Variants in CORIN observed in about 807,000 individuals in gnomAD.
CORIN encodes corin, serine peptidase.
Under a neutral mutation model 125.3 loss-of-function variants are expected in CORIN, and 117 were observed. The observed-to-expected ratio is 0.93, with a 90% CI of 0.80 to 1.09. The LOEUF (loss-of-function observed/expected upper bound fraction) is 1.09, where lower values mean the gene tolerates loss of function less well. Among genes scored for constraint, CORIN ranks in the 50% least tolerant of loss-of-function variants. The probability of loss-of-function intolerance (pLI) is 0.00; values close to 1 mark genes in which losing one functional copy is unlikely to be tolerated. For synonymous variants in CORIN, 450 were observed against 466.4 expected, an observed-to-expected ratio of 0.96 and a Z score of 0.45; for missense variants, 1,253 against 1,306.7, an observed-to-expected ratio of 0.96 and a Z score of 0.63.
At chr4:47,702,107 CTT>C (rs1225507653) in intron 5 of CORIN, among the ~76,000 whole-genome samples, 6 of 152,028 alleles carry the variant, frequency 3.9e-5, no homozygotes, top group Admixed American at 2.6e-4. Context: ...GAAATAAACA[CTT>C]AGTTTCTTTA....
At chr4:47,675,342 T>G (rs1724966139) in intron 9 of CORIN, among the ~76,000 whole-genome samples, 1 of 152,212 alleles carries the variant, frequency 6.6e-6, no homozygotes, top group Admixed American at 6.5e-5. Flanking sequence ...TAATCATTCT[T>G]ACCTATAATT....
At chr4:47,699,027 T>A (rs1349946669) in intron 5 of CORIN, among the ~76,000 whole-genome samples, 1 of 152,194 alleles carries the variant, frequency 6.6e-6, no homozygotes, top group Non-Finnish European at 1.5e-5. Context: ...TGTTTGCACA[T>A]GATGAAATCA....
At chr4:47,834,930 C>A (rs984000551) in intron 1 of CORIN, among the ~76,000 whole-genome samples, 61 of 152,262 alleles carry the variant, frequency 4.0e-4, no homozygotes, top group African/African-American at 1.4e-3. Flanking sequence ...GAAACTGAGG[C>A]CCAGCAAGAT....
chr4:47,769,422 G>T (rs1311301447), intron 3 of CORIN, among the ~76,000 whole-genome samples: 7 of 151,910 alleles, frequency 4.6e-5, no homozygotes, highest in Non-Finnish European at 8.8e-5. Flanking sequence ...TGGTTTGGAA[G>T]GATTAATCTC....
intron 19 of CORIN, among the ~76,000 whole-genome samples, chr4:47,612,155 A>G (rs1007737030): frequency 2.0e-5 from 3 of 152,120 alleles, no homozygotes; most frequent in Admixed American, 2.0e-4. Context: ...TCCTCTTTGT[A>G]CCTTTGGTAG....
intron 16 of CORIN, among the ~76,000 whole-genome samples, chr4:47,635,335 T>G (rs922120646): frequency 6.6e-6 from 1 of 152,158 alleles, no homozygotes; most frequent in Non-Finnish European, 1.5e-5. Flanking sequence ...TGGATACTGA[T>G]AAGTTGTTGG....
chr4:47,632,770 T>G (rs62299167), intron 16 of CORIN, among the ~76,000 whole-genome samples: 1,650 of 111,454 alleles, frequency 0.015, 26 homozygotes, highest in Non-Finnish European at 0.019. Flanking sequence ...TAGATAGAGA[T>G]AGATAGTTAG....
At chr4:47,693,485 C>A (rs1011087439) in intron 5 of CORIN, among the ~76,000 whole-genome samples, 1 of 152,008 alleles carries the variant, frequency 6.6e-6, no homozygotes, top group Non-Finnish European at 1.5e-5. Flanking sequence ...AAAAGTCTAC[C>A]TTTCTAAAAA....
At chr4:47,708,803 C>CGA (rs1382573066) in intron 5 of CORIN, among the ~76,000 whole-genome samples, 1 of 152,150 alleles carries the variant, frequency 6.6e-6, no homozygotes, top group Non-Finnish European at 1.5e-5. Context: ...TCTCCTACAG[C>CGA]GAGGAGCCAA....
chr4:47,786,304 G>A (rs1730802693), intron 3 of CORIN, among the ~76,000 whole-genome samples: 1 of 152,102 alleles, frequency 6.6e-6, no homozygotes. Context: ...GGAGGCCGAG[G>A]CGGGCGGATC....
chr4:47,835,318 T>G (rs568758346), intron 1 of CORIN, among the ~76,000 whole-genome samples: 1 of 152,136 alleles, frequency 6.6e-6, no homozygotes, highest in Non-Finnish European at 1.5e-5. Context: ...TCCATACTTG[T>G]TGAATAACTT....
chr4:47,811,715 C>T (rs79690652), intron 1 of CORIN, among the ~76,000 whole-genome samples: 17,101 of 152,218 alleles, frequency 0.11, 1,268 homozygotes, highest in Non-Finnish European at 0.16. Context: ...AATTTTACAT[C>T]TTAAATATAT....
chr4:47,606,825 A>G, intron 19 of CORIN, among the ~76,000 whole-genome samples: 1 of 151,174 alleles, frequency 6.6e-6, no homozygotes, highest in Admixed American at 6.6e-5. Context: ...GTGCATTACC[A>G]TCTGAGAAGT....
chr4:47,785,398 C>A (rs750666908), intron 3 of CORIN, among the ~76,000 whole-genome samples: 2 of 152,216 alleles, frequency 1.3e-5, no homozygotes, highest in Non-Finnish European at 2.9e-5. Flanking sequence ...CAACTCACCA[C>A]GCCCCATGTC....
chr4:47,668,824 ATT>A (rs1281711364), intron 10 of CORIN, among the ~76,000 whole-genome samples: 3 of 152,206 alleles, frequency 2.0e-5, no homozygotes, highest in Non-Finnish European at 4.4e-5. Flanking sequence ...ATGATCATAT[ATT>A]ATTCTGTAGA....
chr4:47,670,671 A>C (rs1200816681), intron 10 of CORIN, among the ~76,000 whole-genome samples: 1 of 152,236 alleles, frequency 6.6e-6, no homozygotes, highest in Non-Finnish European at 1.5e-5. Context: ...CATGGTCAGC[A>C]TGGGCACAGG....
chr4:47,730,612 C>T (rs991322814), intron 5 of CORIN, among the ~76,000 whole-genome samples: 1 of 152,204 alleles, frequency 6.6e-6, no homozygotes, highest in African/African-American at 2.4e-5. Context: ...GCATGCTCCC[C>T]CTAGGGGTTT....
intron 3 of CORIN, among the ~76,000 whole-genome samples, chr4:47,779,436 C>CTT (rs566507308): frequency 1.4e-5 from 2 of 140,164 alleles, no homozygotes. Context: ...TTTTTTTTTT[C>CTT]TTTTTTTTTT....
At chr4:47,768,830 A>G (rs754324776) in intron 3 of CORIN, among the ~76,000 whole-genome samples, 2 of 152,236 alleles carry the variant, frequency 1.3e-5, no homozygotes, top group Non-Finnish European at 2.9e-5. Flanking sequence ...CTTCAACACA[A>G]TAAAGGCCAT....
Sources: gnomAD v4.1 joint callset for allele counts (sites outside exome capture counted in the v4.1 genomes callset) on GRCh38, gnomAD v4.1.1 for gene constraint, MANE v1.5 for transcripts, NCBI Gene and HGNC (gene_info 2026-07-23, HGNC 2026-07-21) for gene names.